WDR20: variants seen among roughly 807,000 people sequenced by gnomAD.
WDR20 encodes WD repeat domain 20.
WDR20 carries 3 observed loss-of-function variants against 38.7 expected under a neutral mutation model. That is an observed-to-expected ratio of 0.08 (90% CI 0.04 to 0.20). The LOEUF (loss-of-function observed/expected upper bound fraction) is 0.20. Ranked by LOEUF, WDR20 falls within the 10% of genes least tolerant of loss-of-function variation. WDR20 has a pLI of 1.00. For synonymous variants in WDR20, 298 were observed against 285.6 expected, an observed-to-expected ratio of 1.04 and a Z score of -0.44; for missense variants, 559 against 727.7, an observed-to-expected ratio of 0.77 and a Z score of 2.67.
At chr14:102,139,781 G>A (rs1043188156), upstream of WDR20, 10 of 1,275,674 alleles carry the variant, frequency 7.8e-6, no homozygotes, top group Non-Finnish European at 1.1e-5. Flanking sequence ...CTTCCCTTTG[G>A]CCCGCCCTCG....
At chr14:102,212,475 CTG>C (rs1053377807), downstream of WDR20, 5 of 1,532,418 alleles carry the variant, frequency 3.3e-6, no homozygotes, top group Middle Eastern at 1.7e-4. Flanking sequence ...CGACACCACT[CTG>C]TGTCCACTCT....
chr14:102,161,371 C>T (rs1057421662), intron 1 of WDR20, among the ~76,000 whole-genome samples: 2 of 148,546 alleles, frequency 1.3e-5, no homozygotes, highest in African/African-American at 5.0e-5. Context: ...TGGAGTGCAG[C>T]GGTGCGATCA....
At chr14:102,166,350 G>T (rs973492422) in intron 1 of WDR20, among the ~76,000 whole-genome samples, 4 of 152,118 alleles carry the variant, frequency 2.6e-5, no homozygotes, top group African/African-American at 7.2e-5. Context: ...TTTGAGATTT[G>T]GTGAGTCTTT....
At chr14:102,212,547 G>T (rs1283825694), downstream of WDR20, 2 of 1,535,958 alleles carry the variant, frequency 1.3e-6, no homozygotes, top group African/African-American at 1.4e-5. Context: ...CAGGCAGGAG[G>T]ACAGGATGCA....
In WDR20 at chr14:102,194,573, C is replaced by T. The variant is rs555363702; in HGVS notation, c.250-365C>T. Among the ~76,000 whole-genome samples the T allele has an allele frequency of 3.1e-4, 47 of 152,252 alleles. No homozygotes were observed. The South Asian group carries it at 8.5e-3, about 28-fold the overall frequency. ...AGGTGCTGTAGATACATTTGAAAGC[C>T]GAGCTTTTTATGTGGTTACTCTGTT... On this transcript the variant is annotated intron_variant, in intron 1 of 2. Transcript: ENST00000342702.
chr14:102,224,318 G>A (rs1390177467), downstream of WDR20, among the ~76,000 whole-genome samples: 1 of 152,046 alleles, frequency 6.6e-6, no homozygotes, highest in Non-Finnish European at 1.5e-5. Context: ...GGGATTACAG[G>A]CGTGAGCCAC....
downstream of WDR20, chr14:102,214,032 G>A (rs761626171): frequency 1.3e-5 from 13 of 985,400 alleles, no homozygotes; most frequent in Admixed American, 1.8e-4. Flanking sequence ...CCCTGCCTCC[G>A]GTGCCGGTGG....
At chr14:102,216,343 C>T (rs78576139), downstream of WDR20, among the ~76,000 whole-genome samples, 699 of 152,270 alleles carry the variant, frequency 4.6e-3, 6 homozygotes, top group African/African-American at 0.016. Flanking sequence ...GACAGGGTCT[C>T]GCTCTGTTGC....
At chr14:102,158,823 G>T (rs1339474433) in intron 1 of WDR20, among the ~76,000 whole-genome samples, 1 of 152,052 alleles carries the variant, frequency 6.6e-6, no homozygotes, top group African/African-American at 2.4e-5. Flanking sequence ...TCCCCGACTC[G>T]TTCGCTAAAT....
At chr14:102,163,627 CAAAAAAA>C (rs58628061) in intron 1 of WDR20, among the ~76,000 whole-genome samples, 7 of 62,834 alleles carry the variant, frequency 1.1e-4, no homozygotes, top group Non-Finnish European at 1.5e-4. Context: ...GACTCTGTCT[CAAAAAAA>C]AAAAAAAAAA....
chr14:102,158,099 G>A (rs563124148), intron 1 of WDR20, among the ~76,000 whole-genome samples: 2 of 151,936 alleles, frequency 1.3e-5, no homozygotes, highest in South Asian at 2.1e-4. Context: ...TCATTATAAC[G>A]CCCCTCGTAT....
chr14:102,198,369 C>A, intron 2 of WDR20: 1 of 258,766 alleles, frequency 3.9e-6, no homozygotes, highest in Non-Finnish European at 8.1e-6. Context: ...CCACCCACCT[C>A]AGCTTCCCAA....
At chr14:102,224,788 G>A (rs772716585), downstream of WDR20, 2 of 456,060 alleles carry the variant, frequency 4.4e-6, no homozygotes, top group South Asian at 3.1e-5. Flanking sequence ...ACTATGGAGT[G>A]AGTCTTCTAG....
intron 1 of WDR20, among the ~76,000 whole-genome samples, chr14:102,183,742 G>A (rs1476563776): frequency 6.6e-6 from 1 of 152,114 alleles, no homozygotes; most frequent in Non-Finnish European, 1.5e-5. Flanking sequence ...CTCTTCTACC[G>A]ATTGTTGCTT....
intron 1 of WDR20, among the ~76,000 whole-genome samples, chr14:102,141,270 A>C (rs561346492): frequency 6.6e-6 from 1 of 152,338 alleles, no homozygotes; most frequent in South Asian, 2.1e-4. Context: ...TAAATTGTTC[A>C]TATTGAAGAG....
At position 102,210,405 on chromosome 14, in the gene WDR20, G is replaced by C; in HGVS notation, c.*525G>C. 1.0e-6 allele frequency: 1 copy of C among 985,470 alleles called. No homozygotes were observed. Among genetic ancestry groups the C allele is most frequent in the Non-Finnish European group, 1.2e-6 (1 of 829,940 alleles). 61.0% of individuals were successfully genotyped at this position (985,470 alleles called of 1,614,324 possible). On this transcript the variant is annotated 3_prime_UTR_variant, in exon 3 of 3. Coordinates refer to ENST00000342702, the MANE Select transcript of WDR20 (RefSeq NM_144574.4). ...TAGGAACAAAACGTTTAGCAGGGTT[G>C]ATTGATATTATTTTTACATTGTTCT... is the stretch of plus-strand genomic sequence containing the variant.
chr14:102,166,436 A>G (rs987133341), intron 1 of WDR20, among the ~76,000 whole-genome samples: 2 of 152,158 alleles, frequency 1.3e-5, no homozygotes, highest in Non-Finnish European at 2.9e-5. Flanking sequence ...TGAAGGTGAC[A>G]TATATCTGTG....
rs895370244 is a variant in WDR20, at chr14:102,208,541, C to T, written c.433-62C>T. On this transcript the variant is annotated intron_variant, in intron 2 of 2. Coordinates refer to ENST00000342702, the MANE Select transcript of WDR20 (RefSeq NM_144574.4). The surrounding 1 kb of genome is among the most constrained non-coding windows in gnomAD (Gnocchi z 5.6). ...ATCGAGAAGCACACAAGTTTTCTTG[C>T]TGGAAAAGTAGACCTTTGAGACTTC... 2 of 1,520,482 alleles carry T rather than the reference C, an allele frequency of 1.3e-6. No individual in the cohort carries two copies. Among genetic ancestry groups the T allele is most frequent in the Middle Eastern group, 1.8e-4 (1 of 5,414 alleles). 94.2% of individuals were successfully genotyped at this position (1,520,482 alleles called of 1,614,324 possible).
chr14:102,148,450 G>A (rs2054452938), intron 1 of WDR20, among the ~76,000 whole-genome samples: 1 of 151,552 alleles, frequency 6.6e-6, no homozygotes. Context: ...TTAGGTGGGA[G>A]AATTGCTGGA....
Sources: gnomAD v4.1 joint callset for allele counts (sites outside exome capture counted in the v4.1 genomes callset) on GRCh38, gnomAD v4.1.1 for gene constraint, Gnocchi (gnomAD v3.1) non-coding constraint, MANE v1.5 for transcripts, NCBI Gene and HGNC (gene_info 2026-07-23, HGNC 2026-07-21) for gene names.